VEPH1: variants seen among roughly 807,000 people sequenced by gnomAD.
The protein encoded by VEPH1 is ventricular zone expressed PH domain containing 1.
A neutral mutation model predicts 85.2 loss-of-function variants in VEPH1; 80 were observed. The ratio of observed to expected loss-of-function variants is 0.94; its 90% CI spans 0.78 to 1.13. The LOEUF (loss-of-function observed/expected upper bound fraction) is 1.13, where lower values mean the gene tolerates loss of function less well. Ranked by LOEUF, VEPH1 falls within the 50% of genes most tolerant of loss-of-function variation. The pLI, the probability that VEPH1 is intolerant of heterozygous loss-of-function variation, is 0.00. For missense variants in VEPH1, 955 were observed against 980.5 expected (o/e 0.97, Z 0.35); for synonymous variants, 297 against 348.0 (o/e 0.85, Z 1.63).
chr3:157,437,039 A>G, intron 4 of VEPH1: 1 of 1,614,030 alleles, frequency 6.2e-7, no homozygotes, highest in Admixed American at 1.7e-5. Context: ...CGAAATAGAC[A>G]ATGGACTCCA....
chr3:157,291,985 C>T lies in VEPH1; in HGVS notation c.2011-5311G>A, dbSNP rs1434331022. ...TATATCTGCATATCTATGGGTATTA[C>T]AAAAATTCATTTTATTTAACAAGTT... is the stretch of plus-strand genomic sequence containing the variant. On this transcript the variant is annotated intron_variant, in intron 11 of 13. Coordinates refer to ENST00000362010, the MANE Select transcript of VEPH1 (RefSeq NM_001167912.2). Among the ~76,000 whole-genome samples, 4 of 152,228 alleles carry T rather than the reference C, an allele frequency of 2.6e-5. No homozygotes were observed. The East Asian group carries it at 7.7e-4, about 29-fold the overall frequency.
chr3:157,346,019 G>A (rs1361526046), intron 9 of VEPH1, among the ~76,000 whole-genome samples: 2 of 151,184 alleles, frequency 1.3e-5, no homozygotes, highest in Non-Finnish European at 2.9e-5. Flanking sequence ...TCACACACCC[G>A]GGCCTGTCGT....
At chr3:157,442,337 A>G (rs1246026580) in intron 4 of VEPH1, 1 of 1,511,236 alleles carries the variant, frequency 6.6e-7, no homozygotes, top group Non-Finnish European at 9.0e-7. Flanking sequence ...ATTTTCTTTA[A>G]TATTCTTCTT....
chr3:157,270,253 CAG>C (rs1196882466), intron 12 of VEPH1, among the ~76,000 whole-genome samples: 3 of 150,284 alleles, frequency 2.0e-5, no homozygotes, highest in Non-Finnish European at 4.4e-5. Flanking sequence ...GCCTGGGTGA[CAG>C]AGTGAAATGC....
intron 9 of VEPH1, among the ~76,000 whole-genome samples, chr3:157,337,649 T>C (rs1723092386): frequency 6.6e-6 from 1 of 152,320 alleles, no homozygotes; most frequent in East Asian, 1.9e-4. Flanking sequence ...ATTATACTTT[T>C]ATAATCGGGG....
chr3:157,336,715 A>C (rs1383742048), intron 9 of VEPH1, among the ~76,000 whole-genome samples: 1 of 152,232 alleles, frequency 6.6e-6, no homozygotes, highest in Non-Finnish European at 1.5e-5. Flanking sequence ...ACTCCAGGTG[A>C]ATGTGGAAAA....
chr3:157,443,734 T>A (rs918612386), intron 4 of VEPH1: 1 of 152,208 alleles, frequency 6.6e-6, no homozygotes, highest in African/African-American at 2.4e-5. Flanking sequence ...ACTATAGACT[T>A]GTTTTAAGTT....
intron 1 of VEPH1, among the ~76,000 whole-genome samples, chr3:157,497,468 C>T (rs149081940): frequency 2.1e-4 from 32 of 152,286 alleles, no homozygotes; most frequent in African/African-American, 7.5e-4. Flanking sequence ...AAAATCAGCA[C>T]AGTGTTTTCC....
chr3:157,342,429 G>A (rs947277411), intron 9 of VEPH1, among the ~76,000 whole-genome samples: 5 of 151,886 alleles, frequency 3.3e-5, no homozygotes, highest in African/African-American at 7.3e-5. Flanking sequence ...AGAGACAAAG[G>A]AGGCCATTAC....
At position 157,340,110 on chromosome 3, in the gene VEPH1, G is replaced by A. The variant is rs554538969; in HGVS notation, c.1736-22909C>T. ...CCCAGCGTGAGCGACGCAGAAGACGGGTGATTTCTGCATTTCCAACTGAGG... is the reference window on the plus strand; with the variant it reads ...CCCAGCGTGAGCGACGCAGAAGACGAGTGATTTCTGCATTTCCAACTGAGG... On this transcript the variant is annotated intron_variant, in intron 9 of 13. Coordinates refer to ENST00000362010, the MANE Select transcript of VEPH1 (RefSeq NM_001167912.2). Among the ~76,000 whole-genome samples the A allele has an allele frequency of 1.3e-3, 201 of 152,286 alleles. 1 individual carries two copies. The highest frequency in any genetic ancestry group is 4.6e-3 in the African/African-American group (193 of 41,558).
chr3:157,415,766 C>G (rs986458230), intron 5 of VEPH1, among the ~76,000 whole-genome samples: 10 of 152,136 alleles, frequency 6.6e-5, no homozygotes, highest in African/African-American at 2.4e-4. Flanking sequence ...TCTTAACTTG[C>G]TAAATTTTCT....
chr3:157,292,809 T>TAA lies in VEPH1; in HGVS notation c.2011-6137_2011-6136dup, dbSNP rs11332321. On this transcript the variant is annotated intron_variant, in intron 11 of 13. Coordinates refer to ENST00000362010, the MANE Select transcript of VEPH1 (RefSeq NM_001167912.2). ...CCAGATGATGAAACCCCCTCTCTAC[T>TAA]AAAAAAAAAAAAAAAAAAAAAAAAT... 5.3e-3 allele frequency among the ~76,000 whole-genome samples: 518 copies of TAA among 98,568 alleles called. 10 individuals carry two copies. Among genetic ancestry groups the TAA allele is most frequent in the African/African-American group, 0.02 (477 of 23,984 alleles). The allele number at this position is 98,568 out of a possible 152,430, so 64.7% of individuals were successfully genotyped here.
At chr3:157,382,344 A>G (rs909858799) in intron 6 of VEPH1, among the ~76,000 whole-genome samples, 2 of 152,230 alleles carry the variant, frequency 1.3e-5, no homozygotes, top group Non-Finnish European at 2.9e-5. Context: ...CACATCTCTT[A>G]TACCTATTAA....
At chr3:157,343,747 T>A (rs1476229813) in intron 9 of VEPH1, among the ~76,000 whole-genome samples, 3 of 152,066 alleles carry the variant, frequency 2.0e-5, no homozygotes, top group Non-Finnish European at 4.4e-5. Flanking sequence ...TAGACCAATA[T>A]CCCTGATGAA....
At chr3:157,458,109 G>A (rs1426110486) in intron 4 of VEPH1, among the ~76,000 whole-genome samples, 6 of 152,146 alleles carry the variant, frequency 3.9e-5, no homozygotes, top group African/African-American at 1.2e-4. Flanking sequence ...ATGTGCCCAG[G>A]AATTTATTAG....
chr3:157,343,855 A>T (rs1368859574), intron 9 of VEPH1, among the ~76,000 whole-genome samples: 2 of 152,224 alleles, frequency 1.3e-5, no homozygotes, highest in Non-Finnish European at 2.9e-5. Context: ...CATCCCTGGG[A>T]TGCAAGGCTG....
intron 6 of VEPH1, among the ~76,000 whole-genome samples, chr3:157,403,023 A>G (rs1164644055): frequency 6.6e-6 from 1 of 152,176 alleles, no homozygotes; most frequent in Non-Finnish European, 1.5e-5. Flanking sequence ...TTCAGGCTTT[A>G]CTTTTTTGAT....
intron 6 of VEPH1, chr3:157,409,973 A>T: frequency 2.1e-6 from 2 of 968,490 alleles, no homozygotes; most frequent in South Asian, 9.5e-5. Context: ...ATATGCTCTG[A>T]TCAGTCAGTA....
At chr3:157,442,029 C>CT (rs1175302953) in intron 4 of VEPH1, among the ~76,000 whole-genome samples, 2 of 151,950 alleles carry the variant, frequency 1.3e-5, no homozygotes, top group African/African-American at 4.8e-5. Context: ...AGTGATTCAA[C>CT]TTTTTTAAAA....
Sources: gnomAD v4.1 joint callset for allele counts (sites outside exome capture counted in the v4.1 genomes callset) on GRCh38, gnomAD v4.1.1 for gene constraint, MANE v1.5 for transcripts, NCBI Gene and HGNC (gene_info 2026-07-23, HGNC 2026-07-21) for gene names.